DMD: variants seen among roughly 807,000 people sequenced by gnomAD.
DMD encodes the protein dystrophin.
In DMD, 63 loss-of-function variants were observed where a neutral mutation model predicts 330.1. The ratio of observed to expected loss-of-function variants is 0.19; its 90% CI spans 0.16 to 0.24. DMD has a LOEUF of 0.24. DMD is among the 10% of genes least tolerant of loss of function. The pLI is 1.00. For missense variants in DMD, 3,344 were observed against 2,684.1 expected, an observed-to-expected ratio of 1.25 and a Z score of -5.43; for synonymous variants, 1,223 against 959.8, an observed-to-expected ratio of 1.27 and a Z score of -5.07.
At chrX:31,388,360 G>C (rs1019242090) in intron 60 of DMD, among the ~76,000 whole-genome samples, 4 of 110,372 alleles carry the variant, frequency 3.6e-5, no homozygotes, top group African/African-American at 1.3e-4. Flanking sequence ...GTTTTGTCTT[G>C]TTTGCTGCTT....
intron 59 of DMD, among the ~76,000 whole-genome samples, chrX:31,463,521 G>A (rs757072324): frequency 1.8e-5 from 2 of 111,940 alleles, no homozygotes; most frequent in East Asian, 2.8e-4. Flanking sequence ...AGGAAGAAGC[G>A]AACTCCTTGG....
chrX:32,701,319 TACAAC>T (rs1306720124), intron 7 of DMD, among the ~76,000 whole-genome samples: 2 of 112,264 alleles, frequency 1.8e-5, no homozygotes, highest in East Asian at 5.6e-4. Flanking sequence ...TACAAAGTTA[TACAAC>T]ACATATGGCT....
intron 7 of DMD, among the ~76,000 whole-genome samples, chrX:32,802,025 GT>G (rs925495851): frequency 8.9e-6 from 1 of 111,862 alleles, no homozygotes; most frequent in South Asian, 3.7e-4. Flanking sequence ...ATTTAAAGTA[GT>G]TTTTTTCTAA....
intron 1 of DMD, among the ~76,000 whole-genome samples, chrX:33,083,683 C>T (rs1299869825): frequency 8.9e-6 from 1 of 111,756 alleles, no homozygotes; most frequent in Non-Finnish European, 1.9e-5. Flanking sequence ...AATCAGATCC[C>T]TAACCAAGAA....
At chrX:31,717,148 G>C (rs756657118) in intron 52 of DMD, among the ~76,000 whole-genome samples, 1 of 111,499 alleles carries the variant, frequency 9.0e-6, no homozygotes, top group East Asian at 2.8e-4. Flanking sequence ...TTCGTATAAA[G>C]CACAGCACAA....
intron 21 of DMD, among the ~76,000 whole-genome samples, chrX:32,480,160 T>C (rs193115318): frequency 1.2e-4 from 13 of 111,543 alleles, no homozygotes; most frequent in African/African-American, 3.9e-4. Flanking sequence ...TGTGAAAAAA[T>C]GCTCAACATC....
intron 1 of DMD, among the ~76,000 whole-genome samples, chrX:33,329,526 G>A (rs951137124): frequency 8.9e-6 from 1 of 111,813 alleles, no homozygotes; most frequent in African/African-American, 3.2e-5. Context: ...CAGAGTAGAT[G>A]GAATAAGTAA....
At chrX:31,216,342 G>C (rs1277194970) in intron 64 of DMD, among the ~76,000 whole-genome samples, 1 of 112,170 alleles carries the variant, frequency 8.9e-6, no homozygotes, top group African/African-American at 3.2e-5. Flanking sequence ...TCTTTCCCTA[G>C]TGGGTAACAG....
chrX:31,260,930 G>A, intron 63 of DMD, 25 bp downstream of exon 63: 1 of 1,196,504 alleles, frequency 8.4e-7, no homozygotes, highest in Non-Finnish European at 1.1e-6. Flanking sequence ...CATTTAACTT[G>A]GAGGAAACAT....
chrX:32,559,564 G>A lies in DMD; in HGVS notation c.1992+6138C>T, dbSNP rs191208960. On this transcript the variant is annotated intron_variant, in intron 16 of 78. Transcript: ENST00000357033. ...TGCAACTATATCCCCCTTGTACAAA[G>A]AGGTCTACAAAATGATGCTCTGAGA... Among the ~76,000 whole-genome samples the A allele has an allele frequency of 3.9e-3, 434 of 111,217 alleles. 5 individuals carry two copies. The highest frequency in any genetic ancestry group is 0.014 in the African/African-American group (421 of 30,634).
intron 44 of DMD, among the ~76,000 whole-genome samples, chrX:32,004,596 C>T (rs914358924): frequency 9.0e-6 from 1 of 111,346 alleles, no homozygotes; most frequent in African/African-American, 3.3e-5. Flanking sequence ...GTAAATAAAT[C>T]CTTCTGTTGG....
intron 16 of DMD, among the ~76,000 whole-genome samples, chrX:32,552,168 G>T (rs947844122): frequency 9.0e-6 from 1 of 111,556 alleles, no homozygotes; most frequent in Non-Finnish European, 1.9e-5. Context: ...AATAGCCAAG[G>T]TAATCCTAAG....
In DMD at chrX:32,345,948, G is replaced by C. The variant is rs2097762311; in HGVS notation, c.5581C>G (p.Leu1861Val). The C allele has an allele frequency of 8.3e-7, 1 of 1,207,647 alleles. No individual in the cohort carries two copies. The highest frequency in any genetic ancestry group is 1.1e-6 in the Non-Finnish European group (1 of 893,625). ...TATAATTTTAGCTCTAATACCTTGA[G>C]AGCATTATGTTTTGTCTGTAACAGC... is the stretch of plus-strand genomic sequence containing the variant. ...QQLLQTKHNA[L>V]KDLRSQRRKK... is the part of the protein sequence containing the mutation. The change falls in exon 39 of 79, where the codon CTC (leucine) becomes GTC (valine). Residue 1861 changes from leucine (L) to valine (V), a missense_variant. Physicochemically the swap from Leu to Val is conservative, Grantham distance 32. Coordinates refer to ENST00000357033, the MANE Select transcript of DMD (RefSeq NM_004006.3).
At chrX:33,211,186 T>A (rs746421538) in intron 1 of DMD, 96 bp downstream of exon 1, 1 of 1,022,433 alleles carries the variant, frequency 9.8e-7, no homozygotes, top group East Asian at 3.3e-5. Flanking sequence ...TGCAAACTAC[T>A]GTGATAATTT....
chrX:32,070,415 A>T (rs1427605974), intron 44 of DMD, among the ~76,000 whole-genome samples: 2 of 111,086 alleles, frequency 1.8e-5, no homozygotes, highest in Non-Finnish European at 3.8e-5. Flanking sequence ...CCTAGAGCAC[A>T]TTCAGAGAAC....
intron 48 of DMD, among the ~76,000 whole-genome samples, chrX:31,841,407 A>G (rs1293448553): frequency 8.9e-6 from 1 of 112,295 alleles, no homozygotes; most frequent in Non-Finnish European, 1.9e-5. Context: ...GAGAAGCTGC[A>G]GCAAACTATC....
chrX:31,802,483 AT>A (rs1454443397), intron 50 of DMD, among the ~76,000 whole-genome samples: 1 of 111,649 alleles, frequency 9.0e-6, no homozygotes, highest in Non-Finnish European at 1.9e-5. Context: ...AGATGATGAG[AT>A]TGTACAGGGG....
chrX:32,425,210 T>C (rs889466384), intron 29 of DMD, among the ~76,000 whole-genome samples: 1 of 111,342 alleles, frequency 9.0e-6, no homozygotes, highest in African/African-American at 3.3e-5. Context: ...ACACCAGTTC[T>C]CCTTTCTCCC....
At chrX:32,865,377 G>C (rs745699719) in intron 2 of DMD, among the ~76,000 whole-genome samples, 1 of 111,475 alleles carries the variant, frequency 9.0e-6, no homozygotes, top group South Asian at 3.8e-4. Flanking sequence ...TCACTGGAGA[G>C]AACAACAGAG....
Sources: gnomAD v4.1 joint callset for allele counts (sites outside exome capture counted in the v4.1 genomes callset) on GRCh38, gnomAD v4.1.1 for gene constraint, MANE v1.5 for transcripts, NCBI Gene and HGNC (gene_info 2026-07-23, HGNC 2026-07-21) for gene names.